Variants in FRMPD4 observed in about 807,000 individuals in gnomAD.
FRMPD4 encodes FERM and PDZ domain-containing protein 4.
FRMPD4 carries 22 observed loss-of-function variants against 94.1 expected under a neutral mutation model. The observed-to-expected ratio is 0.23, with a 90% CI of 0.17 to 0.33. The LOEUF is 0.33. Among genes scored for constraint, FRMPD4 ranks in the 10% least tolerant of loss-of-function variants. FRMPD4 has a pLI of 1.00. For missense variants in FRMPD4, 1,111 were observed against 1,339.9 expected (o/e 0.83, Z 2.67); for synonymous variants, 631 against 548.6 (o/e 1.15, Z -2.10).
intron 1 of FRMPD4, among the ~76,000 whole-genome samples, chrX:12,419,869 C>T (rs1318004501): frequency 9.0e-6 from 1 of 111,633 alleles, no homozygotes; most frequent in Non-Finnish European, 1.9e-5. Flanking sequence ...TTATCTCCTT[C>T]ATGGGCTTTT....
chrX:11,862,217 G>A (rs1368777015), intron 1 of FRMPD4, among the ~76,000 whole-genome samples: 1 of 110,972 alleles, frequency 9.0e-6, no homozygotes, highest in Non-Finnish European at 1.9e-5. Flanking sequence ...GTGTTGGGAT[G>A]GCTTTTCAAA....
intron 1 of FRMPD4, among the ~76,000 whole-genome samples, chrX:12,451,152 A>G (rs1052050448): frequency 2.7e-5 from 3 of 111,118 alleles, no homozygotes; most frequent in Non-Finnish European, 5.7e-5. Flanking sequence ...TGGTATTTGC[A>G]TGGTTCATGT....
intron 1 of FRMPD4, among the ~76,000 whole-genome samples, chrX:12,273,064 A>G (rs2054378333): frequency 9.2e-6 from 1 of 108,580 alleles, no homozygotes; most frequent in African/African-American, 3.4e-5. Flanking sequence ...GTGACAGAGC[A>G]AGACTTGGTT....
chrX:11,870,478 G>A (rs1037473924), intron 2 of FRMPD4, among the ~76,000 whole-genome samples: 1 of 111,557 alleles, frequency 9.0e-6, no homozygotes, highest in African/African-American at 3.3e-5. Flanking sequence ...GTGACATGGC[G>A]CTAGGGCAGG....
At chrX:12,651,094 G>GGTATCCATGT (rs1386658968) in intron 4 of FRMPD4, among the ~76,000 whole-genome samples, 1 of 112,505 alleles carries the variant, frequency 8.9e-6, no homozygotes, top group African/African-American at 3.2e-5. Flanking sequence ...CAAAAAGTAT[G>GGTATCCATGT]CCAACAAGAT....
intron 1 of FRMPD4, among the ~76,000 whole-genome samples, chrX:12,209,428 G>A (rs1469896901): frequency 8.9e-6 from 1 of 112,128 alleles, no homozygotes; most frequent in Non-Finnish European, 1.9e-5. Context: ...AATTAATTTA[G>A]GTAACCGCAA....
At chrX:12,240,023 A>G (rs112283493) in intron 1 of FRMPD4, among the ~76,000 whole-genome samples, 185 of 112,423 alleles carry the variant, frequency 1.6e-3, no homozygotes, top group Non-Finnish European at 3.0e-3. Context: ...CGTGGTTTTG[A>G]CTTTTATAAT....
intron 3 of FRMPD4, among the ~76,000 whole-genome samples, chrX:12,129,064 C>T (rs992743474): frequency 3.0e-4 from 33 of 111,736 alleles, no homozygotes; most frequent in African/African-American, 9.4e-4. Flanking sequence ...TCTGAGCCCT[C>T]CAAACTGTTC....
chrX:12,416,433 C>T (rs1461291676), intron 1 of FRMPD4, among the ~76,000 whole-genome samples: 1 of 112,112 alleles, frequency 8.9e-6, no homozygotes, highest in Non-Finnish European at 1.9e-5. Context: ...TAATTAACAA[C>T]TTGTATGGTG....
intron 5 of FRMPD4, among the ~76,000 whole-genome samples, chrX:12,683,225 C>T (rs2059990364): frequency 8.9e-6 from 1 of 112,010 alleles, no homozygotes; most frequent in Admixed American, 9.5e-5. Flanking sequence ...TGTTTTAAAA[C>T]ATCCCTGGAA....
intron 3 of FRMPD4, among the ~76,000 whole-genome samples, chrX:12,099,318 ACCTGTG>A (rs748572856): frequency 3.4e-4 from 38 of 111,688 alleles, no homozygotes; most frequent in African/African-American, 1.2e-3. Flanking sequence ...ATTTCATAAT[ACCTGTG>A]CTCCATCTTA....
rs189992410 is a variant in FRMPD4, at chrX:12,562,633, A to T, written c.159-47088A>T. Among the ~76,000 whole-genome samples, 371 of 112,297 alleles carry T rather than the reference A, an allele frequency of 3.3e-3. 1 individual carries two copies. The highest frequency in any genetic ancestry group is 0.012 in the African/African-American group (360 of 30,928). On this transcript the variant is annotated intron_variant, in intron 2 of 16. Coordinates refer to ENST00000675598, the MANE Select transcript of FRMPD4 (RefSeq NM_001368397.1). ...GCAGAAAATGAATAAAACACAGGAA[A>T]TTGACTTGAAAACTCACATAAACGC...
chrX:11,934,739 C>T (rs1040609942), intron 3 of FRMPD4, among the ~76,000 whole-genome samples: 12 of 111,930 alleles, frequency 1.1e-4, no homozygotes, highest in African/African-American at 3.6e-4. Flanking sequence ...TCCCACTGCT[C>T]TATTCCCAAG....
chrX:12,317,255 A>G (rs1356306888), intron 1 of FRMPD4, among the ~76,000 whole-genome samples: 4 of 111,845 alleles, frequency 3.6e-5, no homozygotes, highest in Admixed American at 1.9e-4. Flanking sequence ...TAGACTGTCT[A>G]TCTCTCACCA....
chrX:11,896,708 G>A (rs1188553744), intron 3 of FRMPD4, among the ~76,000 whole-genome samples: 3 of 112,199 alleles, frequency 2.7e-5, no homozygotes, highest in African/African-American at 6.5e-5. Flanking sequence ...GAGTCCTTGC[G>A]TAGTTCATGT....
chrX:12,554,621 G>GT (rs1276009511), intron 2 of FRMPD4, among the ~76,000 whole-genome samples: 18 of 110,902 alleles, frequency 1.6e-4, no homozygotes, highest in South Asian at 3.9e-4. Flanking sequence ...TCATATCTTT[G>GT]TTTTTTTTGA....
intron 3 of FRMPD4, among the ~76,000 whole-genome samples, chrX:12,119,526 A>C (rs1051944670): frequency 8.9e-6 from 1 of 112,187 alleles, no homozygotes; most frequent in African/African-American, 3.2e-5. Context: ...AATTTTAAAA[A>C]GCATATGGAA....
chrX:12,117,962 C>T (rs1355024969), intron 3 of FRMPD4, among the ~76,000 whole-genome samples: 1 of 111,868 alleles, frequency 8.9e-6, no homozygotes, highest in Non-Finnish European at 1.9e-5. Flanking sequence ...GCTTGATACA[C>T]TCTTTCCCTG....
At chrX:11,848,484 C>A (rs192763098) in intron 1 of FRMPD4, among the ~76,000 whole-genome samples, 171 of 108,914 alleles carry the variant, frequency 1.6e-3, no homozygotes, top group Non-Finnish European at 2.5e-3. Context: ...TATATTCAGT[C>A]CATTTTTAAG....
Sources: allele counts gnomAD v4.1 joint callset (sites outside exome capture counted in the v4.1 genomes callset), GRCh38; gene constraint gnomAD v4.1.1; transcripts MANE v1.5; gene names NCBI Gene and HGNC (gene_info 2026-07-23, HGNC 2026-07-21).